Variants in AGMO observed in about 807,000 individuals in gnomAD.
AGMO encodes the protein glyceryl-ether monooxygenase.
Under a neutral mutation model 60.2 loss-of-function variants are expected in AGMO, and 75 were observed. The ratio of observed to expected loss-of-function variants is 1.25; its 90% CI spans 1.03 to 1.51. The LOEUF is 1.51. Among genes scored for constraint, AGMO ranks in the 40% most tolerant of loss-of-function variants. AGMO has a pLI of 0.00. For synonymous variants in AGMO, 261 were observed against 177.1 expected, an observed-to-expected ratio of 1.47 and a Z score of -3.76; for missense variants, 763 against 525.5, an observed-to-expected ratio of 1.45 and a Z score of -4.42.
chr7:15,434,284 C>G (rs1043780973), intron 3 of AGMO, among the ~76,000 whole-genome samples: 2 of 152,090 alleles, frequency 1.3e-5, no homozygotes, highest in African/African-American at 2.4e-5. Flanking sequence ...GCAAGGCATC[C>G]TCTAGAATGG....
intron 3 of AGMO, among the ~76,000 whole-genome samples, chr7:15,516,084 A>T (rs1231816570): frequency 6.6e-6 from 1 of 152,226 alleles, no homozygotes; most frequent in Non-Finnish European, 1.5e-5. Flanking sequence ...CAACTGAGCC[A>T]TTCCACAATG....
chr7:15,350,089 C>T (rs1013788221), intron 12 of AGMO, among the ~76,000 whole-genome samples: 3 of 152,098 alleles, frequency 2.0e-5, no homozygotes, highest in African/African-American at 4.8e-5. Context: ...AATTAAGTGG[C>T]TTTCCTCACA....
intron 3 of AGMO, among the ~76,000 whole-genome samples, chr7:15,485,413 A>G (rs1046031658): frequency 1.3e-5 from 2 of 152,200 alleles, no homozygotes; most frequent in African/African-American, 4.8e-5. Context: ...TGTCAACAAT[A>G]TCAGTTCAGA....
intron 12 of AGMO, among the ~76,000 whole-genome samples, chr7:15,291,745 C>T (rs953677635): frequency 4.6e-5 from 7 of 152,126 alleles, no homozygotes; most frequent in African/African-American, 1.4e-4. Context: ...CATATAAATG[C>T]ATCGTAGAAA....
At chr7:15,167,144 T>C in the AGMO span, among the ~76,000 whole-genome samples, 1 of 152,208 alleles carries the variant, frequency 6.6e-6, no homozygotes, top group Non-Finnish European at 1.5e-5. Context: ...CAGTGTTTTA[T>C]AGAAATTAAA....
At chr7:15,529,571 TATAGAGTATATATAGTATATAA>T (rs1562554714) in intron 3 of AGMO, among the ~76,000 whole-genome samples, 8 of 123,106 alleles carry the variant, frequency 6.5e-5, no homozygotes, top group African/African-American at 2.2e-4. Context: ...ATATTCTATA[TATAGAGTATATATAGTATATAA>T]ACTCTATATA....
chr7:15,347,966 T>G (rs1273272211), intron 12 of AGMO, among the ~76,000 whole-genome samples: 1 of 152,080 alleles, frequency 6.6e-6, no homozygotes, highest in Non-Finnish European at 1.5e-5. Context: ...TTTTCTTGAC[T>G]TTACTCTTAC....
Position 15,418,542 on chromosome 7 carries a change from TAAAAA to T in AGMO, c.609+11_609+15del. The T allele has an allele frequency of 6.7e-7, 1 of 1,503,430 alleles. No homozygotes were observed. The allele number at this position is 1,503,430 out of a possible 1,614,324, so 93.1% of individuals were successfully genotyped here. ...TGTTTAGGTATAAAACTTACAAAGA[TAAAAA>T]AAAGTTTTACCTCTGTATGGATCCA... is the stretch of plus-strand genomic sequence containing the variant. On this transcript the variant is annotated intron_variant, in intron 5 of 12. Transcript: ENST00000342526.
intron 12 of AGMO, among the ~76,000 whole-genome samples, chr7:15,282,717 T>C (rs1784003947): frequency 6.6e-6 from 1 of 152,102 alleles, no homozygotes; most frequent in African/African-American, 2.4e-5. Context: ...AATTTAGATG[T>C]CCAAATACAA....
rs560617385 is a variant in AGMO, at chr7:15,282,560, C to T, written c.1264-81201G>A. 1.3e-4 allele frequency among the ~76,000 whole-genome samples: 20 copies of T among 152,190 alleles called. No homozygotes were observed. The East Asian group carries it at 3.9e-3, about 29-fold the overall frequency. On this transcript the variant is annotated intron_variant, in intron 12 of 12. Coordinates refer to ENST00000342526, the MANE Select transcript of AGMO (RefSeq NM_001004320.2). ...AAGAATCAAAAGAAATGAGCAATGTCTCCAAGAAATATGAAATTATTTAAA... is the reference window on the plus strand; with the variant it reads ...AAGAATCAAAAGAAATGAGCAATGTTTCCAAGAAATATGAAATTATTTAAA...
intron 3 of AGMO, among the ~76,000 whole-genome samples, chr7:15,482,824 A>G (rs1216208373): frequency 6.6e-6 from 1 of 152,206 alleles, no homozygotes; most frequent in Non-Finnish European, 1.5e-5. Flanking sequence ...GGTTTGGTTA[A>G]TGTTAGAGAA....
chr7:15,368,851 G>A (rs1783090157), intron 10 of AGMO, among the ~76,000 whole-genome samples: 1 of 152,076 alleles, frequency 6.6e-6, no homozygotes, highest in Non-Finnish European at 1.5e-5. Context: ...TTACCAAACT[G>A]CATCCTGACT....
At chr7:15,149,214 T>A in the AGMO span, among the ~76,000 whole-genome samples, 182 of 152,318 alleles carry the variant, frequency 1.2e-3, 2 homozygotes, top group African/African-American at 4.3e-3. Flanking sequence ...TTCTGGATAG[T>A]GGACCTTTGT....
At chr7:15,289,614 T>C (rs576704176) in intron 12 of AGMO, among the ~76,000 whole-genome samples, 84 of 152,146 alleles carry the variant, frequency 5.5e-4, no homozygotes, top group African/African-American at 2.0e-3. Context: ...TATTTTTTAA[T>C]AATAGATATT....
intron 3 of AGMO, among the ~76,000 whole-genome samples, chr7:15,507,526 C>T (rs1043139772): frequency 5.3e-5 from 8 of 151,858 alleles, no homozygotes; most frequent in Admixed American, 1.3e-4. Context: ...AAGAGAGACA[C>T]GATGCCTTCA....
chr7:15,223,490 C>T (rs1781983872), intron 12 of AGMO, among the ~76,000 whole-genome samples: 1 of 151,802 alleles, frequency 6.6e-6, no homozygotes. Context: ...TAGGTAGATG[C>T]TATAACTTTT....
intron 12 of AGMO, among the ~76,000 whole-genome samples, chr7:15,233,147 G>A (rs1008037699): frequency 8.5e-5 from 13 of 152,168 alleles, no homozygotes; most frequent in Non-Finnish European, 1.3e-4. Flanking sequence ...AGACACCAGG[G>A]AAGGAGAAAG....
the AGMO span, among the ~76,000 whole-genome samples, chr7:15,117,619 C>A: frequency 6.6e-6 from 1 of 151,948 alleles, no homozygotes; most frequent in Non-Finnish European, 1.5e-5. Context: ...CCAATCCTCA[C>A]CATGACACCT....
intron 5 of AGMO, among the ~76,000 whole-genome samples, chr7:15,411,928 T>C (rs1435704661): frequency 2.0e-5 from 3 of 152,078 alleles, no homozygotes; most frequent in African/African-American, 7.2e-5. Flanking sequence ...AGATAAATAC[T>C]CTTAGACTTC....
Sources: gnomAD v4.1 joint callset for allele counts (sites outside exome capture counted in the v4.1 genomes callset) on GRCh38, gnomAD v4.1.1 for gene constraint, MANE v1.5 for transcripts, NCBI Gene and HGNC (gene_info 2026-07-23, HGNC 2026-07-21) for gene names.